Variants in MAF observed in about 807,000 individuals in gnomAD.
MAF encodes the protein transcription factor Maf.
A neutral mutation model predicts 22.0 loss-of-function variants in MAF; 10 were observed. The ratio of observed to expected loss-of-function variants is 0.45; its 90% CI spans 0.28 to 0.77. The LOEUF (loss-of-function observed/expected upper bound fraction) is 0.77, where lower values mean the gene tolerates loss of function less well. Among genes scored for constraint, MAF ranks in the 30% least tolerant of loss-of-function variants. MAF has a pLI of 0.12. For missense variants in MAF, 544 were observed against 548.4 expected (o/e 0.99, Z 0.08); for synonymous variants, 337 against 255.8 (o/e 1.32, Z -3.03).
the MAF span, among the ~76,000 whole-genome samples, chr16:79,371,621 G>C: frequency 1.3e-5 from 2 of 152,078 alleles, no homozygotes; most frequent in Non-Finnish European, 2.9e-5. Flanking sequence ...CACATATGCT[G>C]TTCCCTTTGT....
In MAF at chr16:79,600,022, G is replaced by A; in HGVS notation, c.-120C>T. The A allele has an allele frequency of 7.0e-7, 1 of 1,424,334 alleles. No homozygotes were observed. Among genetic ancestry groups the A allele is most frequent in the Non-Finnish European group, 9.6e-7 (1 of 1,046,298 alleles). 88.2% of individuals were successfully genotyped at this position (1,424,334 alleles called of 1,614,324 possible). A position where few individuals can be genotyped will look rare whatever the true frequency, so the allele number is the denominator to read the frequency against. ...AGCTTGCCGGGCTGGGGCGCTTCTAGCTTGCGCGGCGGTGGCTGGCCCGAA... is the reference window on the plus strand; with the variant it reads ...AGCTTGCCGGGCTGGGGCGCTTCTAACTTGCGCGGCGGTGGCTGGCCCGAA... On this transcript the variant is annotated 5_prime_UTR_variant, in exon 1 of 2. Transcript: ENST00000326043.
the MAF span, among the ~76,000 whole-genome samples, chr16:79,438,514 G>C: frequency 7.2e-5 from 11 of 152,208 alleles, no homozygotes; most frequent in Non-Finnish European, 1.2e-4. Flanking sequence ...AGTGGCATTT[G>C]CTGGGTACTT....
At chr16:79,396,249 G>A in the MAF span, among the ~76,000 whole-genome samples, 50 of 152,118 alleles carry the variant, frequency 3.3e-4, no homozygotes, top group Non-Finnish European at 3.1e-4. Flanking sequence ...AAGCCATCCT[G>A]GACCTACCCC....
chr16:79,337,286 C>G, the MAF span, among the ~76,000 whole-genome samples: 60,492 of 152,044 alleles, frequency 0.4, 14,003 homozygotes, highest in Non-Finnish European at 0.55. Flanking sequence ...AAAACACAGA[C>G]AGCAGTCAGG....
the MAF span, among the ~76,000 whole-genome samples, chr16:79,376,591 T>C: frequency 1.7e-3 from 264 of 152,322 alleles, 2 homozygotes; most frequent in African/African-American, 6.1e-3. Flanking sequence ...GTTTGTTACA[T>C]ATGTATACAT....
chr16:79,498,947 G>A, the MAF span, among the ~76,000 whole-genome samples: 20 of 152,272 alleles, frequency 1.3e-4, no homozygotes, highest in East Asian at 3.9e-3. Context: ...CAGATGTGTA[G>A]CAAGGAATTA....
chr16:79,407,507 G>C, the MAF span, among the ~76,000 whole-genome samples: 8 of 152,016 alleles, frequency 5.3e-5, no homozygotes, highest in Non-Finnish European at 7.4e-5. Flanking sequence ...TTTGTAGTGG[G>C]GGTGAAGTCC....
At chr16:79,510,284 A>T in the MAF span, among the ~76,000 whole-genome samples, 2 of 152,158 alleles carry the variant, frequency 1.3e-5, no homozygotes, top group Non-Finnish European at 2.9e-5. Flanking sequence ...TGGCTTCTTC[A>T]TTGCTCTCAT....
chr16:79,480,012 T>C, the MAF span, among the ~76,000 whole-genome samples: 5 of 152,148 alleles, frequency 3.3e-5, no homozygotes, highest in Admixed American at 6.5e-5. Context: ...AGCTCTACAA[T>C]TGAAGGATTT....
At chr16:79,597,984 G>T (rs541985105) in intron 1 of MAF, 2 of 1,042,112 alleles carry the variant, frequency 1.9e-6, no homozygotes, top group Admixed American at 5.6e-5. Flanking sequence ...CACCCAGAAG[G>T]TTGATGCAGG....
At chr16:79,376,358 G>C in the MAF span, among the ~76,000 whole-genome samples, 1 of 151,734 alleles carries the variant, frequency 6.6e-6, no homozygotes, top group Non-Finnish European at 1.5e-5. Flanking sequence ...TTAATAAATG[G>C]AGTTTCATTA....
chr16:79,319,163 G>A, the MAF span, among the ~76,000 whole-genome samples: 3 of 152,248 alleles, frequency 2.0e-5, no homozygotes, highest in East Asian at 5.8e-4. Context: ...GCTGTGCCAG[G>A]TGTCAATGCC....
the MAF span, chr16:79,212,139 C>A: frequency 3.9e-6 from 6 of 1,520,914 alleles, no homozygotes; most frequent in Non-Finnish European, 5.3e-6. Flanking sequence ...GCCTGAGGTC[C>A]CCTCGTCCCA....
chr16:79,399,905 C>T, the MAF span, among the ~76,000 whole-genome samples: 5 of 152,178 alleles, frequency 3.3e-5, no homozygotes, highest in African/African-American at 1.2e-4. Flanking sequence ...AATTACGTGG[C>T]CACACTAGTC....
the MAF span, among the ~76,000 whole-genome samples, chr16:79,383,742 G>T: frequency 6.6e-6 from 1 of 152,096 alleles, no homozygotes; most frequent in Non-Finnish European, 1.5e-5. Context: ...ATCATTTTTT[G>T]ATGCTCTCAA....
At chr16:79,402,900 GATCATGA>G in the MAF span, among the ~76,000 whole-genome samples, 1 of 152,206 alleles carries the variant, frequency 6.6e-6, no homozygotes, top group African/African-American at 2.4e-5. Context: ...TGAGCCCAGA[GATCATGA>G]ATGGGGTTGA....
At chr16:79,523,571 G>A in the MAF span, among the ~76,000 whole-genome samples, 1 of 152,188 alleles carries the variant, frequency 6.6e-6, no homozygotes, top group Admixed American at 6.5e-5. Flanking sequence ...AATGAGAGAT[G>A]CTGGCTGCCT....
the MAF span, among the ~76,000 whole-genome samples, chr16:79,303,218 C>G: frequency 7.2e-5 from 11 of 152,280 alleles, no homozygotes; most frequent in East Asian, 9.7e-4. Flanking sequence ...GCATCTGACT[C>G]TCATCTTCTC....
At chr16:79,252,143 C>A in the MAF span, among the ~76,000 whole-genome samples, 5 of 152,344 alleles carry the variant, frequency 3.3e-5, no homozygotes, top group South Asian at 1.0e-3. Flanking sequence ...TGGCAAACTT[C>A]TCTTGTCAAG....
Sources: allele counts gnomAD v4.1 joint callset (sites outside exome capture counted in the v4.1 genomes callset), GRCh38; gene constraint gnomAD v4.1.1; transcripts MANE v1.5; gene names NCBI Gene and HGNC (gene_info 2026-07-23, HGNC 2026-07-21).